The following GRM1 variants were observed in gnomAD, a reference collection of about 807,000 sequenced individuals.
GRM1 encodes the protein glutamate metabotropic receptor 1, also known as metabotropic glutamate receptor 1.
Under a neutral mutation model 90.9 loss-of-function variants are expected in GRM1, and 33 were observed. The ratio of observed to expected loss-of-function variants is 0.36; its 90% CI spans 0.28 to 0.49. GRM1 has a LOEUF of 0.49. Ranked by LOEUF, GRM1 falls within the 20% of genes least tolerant of loss-of-function variation. The pLI is 0.99. For synonymous variants in GRM1, 700 were observed against 613.2 expected, an observed-to-expected ratio of 1.14 and a Z score of -2.09; for missense variants, 1,190 against 1,534.3, an observed-to-expected ratio of 0.78 and a Z score of 3.75.
chr6:146,358,187 A>G (rs948483420), intron 5 of GRM1, among the ~76,000 whole-genome samples: 7 of 152,068 alleles, frequency 4.6e-5, no homozygotes, highest in Admixed American at 2.6e-4. Context: ...ATTTTTTTCT[A>G]CAAAAGACAG....
At chr6:146,403,889 G>A (rs1432695013) in intron 7 of GRM1, among the ~76,000 whole-genome samples, 1 of 151,930 alleles carries the variant, frequency 6.6e-6, no homozygotes, top group African/African-American at 2.4e-5. Context: ...ATACCTGAAT[G>A]CCATGTGTAA....
chr6:146,163,155 G>T (rs1489916938), intron 2 of GRM1, among the ~76,000 whole-genome samples: 2 of 152,092 alleles, frequency 1.3e-5, no homozygotes, highest in African/African-American at 4.8e-5. Flanking sequence ...CTGTTGTTAT[G>T]AAATATAGCC....
At chr6:146,038,409 G>T (rs2128839460) in intron 1 of GRM1, among the ~76,000 whole-genome samples, 1 of 152,080 alleles carries the variant, frequency 6.6e-6, no homozygotes, top group African/African-American at 2.4e-5. Context: ...ACAGAAAACA[G>T]TCCCCTAAGT....
chr6:146,356,193 G>A (rs1403584001), intron 4 of GRM1, among the ~76,000 whole-genome samples: 2 of 152,176 alleles, frequency 1.3e-5, no homozygotes, highest in Non-Finnish European at 2.9e-5. Flanking sequence ...AATAGTAATA[G>A]AAATATGAAT....
chr6:146,135,437 G>C (rs1435004881), intron 1 of GRM1, among the ~76,000 whole-genome samples: 1 of 152,216 alleles, frequency 6.6e-6, no homozygotes, highest in East Asian at 1.9e-4. Context: ...ATGTGAAGTG[G>C]TGTGGAATGA....
chr6:146,203,789 C>A (rs754568199), intron 2 of GRM1, among the ~76,000 whole-genome samples: 3 of 152,164 alleles, frequency 2.0e-5, no homozygotes, highest in Non-Finnish European at 2.9e-5. Context: ...CATTTGAATT[C>A]CACGGCAAAG....
chr6:146,128,221 A>G (rs957104345), intron 1 of GRM1, among the ~76,000 whole-genome samples: 2 of 152,162 alleles, frequency 1.3e-5, no homozygotes, highest in African/African-American at 4.8e-5. Flanking sequence ...CTATGTCTCA[A>G]TGGAGGAGTT....
rs560576620 is a variant in GRM1, at chr6:146,217,470, G to A, written c.950+57873G>A. 2.0e-5 allele frequency among the ~76,000 whole-genome samples: 3 copies of A among 152,280 alleles called. No individual in the cohort carries two copies. In the South Asian group the frequency reaches 6.2e-4, roughly 32 times the overall value. On this transcript the variant is annotated intron_variant, in intron 2 of 7. Transcript: ENST00000282753. ...CAGAGGGCTGAATTAATATTTTAAG[G>A]CATTTGTCTGAGCAACTAATAACAA...
chr6:146,159,619 TC>T (rs1562499770), intron 2 of GRM1, 22 bp downstream of exon 2: 2 of 1,422,274 alleles, frequency 1.4e-6, no homozygotes, highest in Admixed American at 3.6e-5. Context: ...TCTCTCTCTC[TC>T]TCTCTCTCTC....
chr6:146,208,075 T>G (rs1251684645), intron 2 of GRM1, among the ~76,000 whole-genome samples: 1 of 152,140 alleles, frequency 6.6e-6, no homozygotes, highest in Non-Finnish European at 1.5e-5. Context: ...TTCTTAAAGG[T>G]TGCCCTGATT....
At chr6:146,341,126 T>C (rs976780742) in intron 3 of GRM1, among the ~76,000 whole-genome samples, 27 of 152,202 alleles carry the variant, frequency 1.8e-4, no homozygotes, top group African/African-American at 6.5e-4. Context: ...ATCTAGTACC[T>C]CAGTCTAGAT....
At chr6:146,377,167 A>G (rs1194896193) in intron 5 of GRM1, among the ~76,000 whole-genome samples, 1 of 152,096 alleles carries the variant, frequency 6.6e-6, no homozygotes, top group African/African-American at 2.4e-5. Flanking sequence ...AGACGAATAC[A>G]GTAAATTGGT....
intron 4 of GRM1, among the ~76,000 whole-genome samples, chr6:146,355,838 C>T (rs996574847): frequency 2.6e-5 from 4 of 151,962 alleles, no homozygotes; most frequent in Admixed American, 1.3e-4. Flanking sequence ...GTGAGAGGGG[C>T]GAGGGATGAA....
rs541558784 is a variant in GRM1 at position 146,069,261 on chromosome 6, T to G, written c.700+39044T>G. Among the ~76,000 whole-genome samples the G allele has an allele frequency of 2.0e-5, 3 of 152,320 alleles. No homozygotes were observed. The South Asian group carries it at 6.2e-4, about 32-fold the overall frequency. Reference sequence around the variant, plus strand: ...TGTACAACACTGAGCATCTCTGAACTTACTGGTTATTTTGAACATTTTATT... The same window carrying G: ...TGTACAACACTGAGCATCTCTGAACGTACTGGTTATTTTGAACATTTTATT... On this transcript the variant is annotated intron_variant, in intron 1 of 7. Coordinates refer to ENST00000282753, the MANE Select transcript of GRM1 (RefSeq NM_001278064.2).
intron 2 of GRM1, among the ~76,000 whole-genome samples, chr6:146,241,786 G>T (rs1034761813): frequency 5.9e-5 from 9 of 152,196 alleles, no homozygotes; most frequent in African/African-American, 2.2e-4. Flanking sequence ...TGGCAGAAGA[G>T]AGATTTTATA....
chr6:146,089,030 G>A lies in GRM1; in HGVS notation c.700+58813G>A, dbSNP rs114028051. ...ATTTCTTCTTCTTGAGTGTGGGCAG[G>A]GTCTGTGACTGGCTTCTAACCAACA... On this transcript the variant is annotated intron_variant, in intron 1 of 7. Coordinates refer to ENST00000282753, the MANE Select transcript of GRM1 (RefSeq NM_001278064.2). 1.8e-3 allele frequency among the ~76,000 whole-genome samples: 269 copies of A among 152,080 alleles called. 1 individual carries two copies. Among genetic ancestry groups the A allele is most frequent in the African/African-American group, 6.2e-3 (256 of 41,498 alleles).
At chr6:146,354,406 G>A (rs1046991988) in intron 4 of GRM1, among the ~76,000 whole-genome samples, 28 of 152,184 alleles carry the variant, frequency 1.8e-4, no homozygotes, top group African/African-American at 6.5e-4. Context: ...CATACAATGT[G>A]CCTAGCACAA....
chr6:146,303,304 C>G (rs1783461062), intron 2 of GRM1, among the ~76,000 whole-genome samples: 2 of 152,130 alleles, frequency 1.3e-5, no homozygotes, highest in Non-Finnish European at 2.9e-5. Flanking sequence ...AACTTCAGGG[C>G]ACCACTCTGT....
chr6:146,436,625 G>A lies in GRM1; in HGVS notation c.*1829G>A, dbSNP rs1778602735. ...TAACTTTTTATTTCTGCTATTTGCT[G>A]TTGTGTAATATCCATGGACATGTAA... is the stretch of plus-strand genomic sequence containing the variant. On this transcript the variant is annotated 3_prime_UTR_variant, in exon 8 of 8. Coordinates refer to ENST00000282753, the MANE Select transcript of GRM1 (RefSeq NM_001278064.2). The A allele has an allele frequency of 6.6e-6, 1 of 152,286 alleles. No homozygotes were observed. Among genetic ancestry groups the A allele is most frequent in the Non-Finnish European group, 1.5e-5 (1 of 67,954 alleles). 9.4% of individuals were successfully genotyped at this position (152,286 alleles called of 1,614,324 possible).
Sources: gnomAD v4.1 joint callset for allele counts (sites outside exome capture counted in the v4.1 genomes callset) on GRCh38, gnomAD v4.1.1 for gene constraint, MANE v1.5 for transcripts, NCBI Gene and HGNC (gene_info 2026-07-23, HGNC 2026-07-21) for gene names.